KLHL1: variants seen among roughly 807,000 people sequenced by gnomAD.
The protein encoded by KLHL1 is kelch like family member 1.
A neutral mutation model predicts 77.7 loss-of-function variants in KLHL1; 47 were observed. The ratio of observed to expected loss-of-function variants is 0.60; its 90% confidence interval spans 0.48 to 0.77. The LOEUF is 0.77. Among genes scored for constraint, KLHL1 ranks in the 30% least tolerant of loss-of-function variants. The pLI is 0.00. For synonymous variants in KLHL1, 360 were observed against 325.2 expected, an observed-to-expected ratio of 1.11 and a Z score of -1.15; for missense variants, 925 against 910.8, an observed-to-expected ratio of 1.02 and a Z score of -0.20.
At chr13:69,939,840 G>T (rs933292824) in intron 4 of KLHL1, among the ~76,000 whole-genome samples, 200 bp downstream of exon 4, 1 of 151,900 alleles carries the variant, frequency 6.6e-6, no homozygotes, top group African/African-American at 2.4e-5. Context: ...ATCCACAAAA[G>T]AACAATAAAT....
At chr13:70,040,995 T>A (rs977378500) in intron 1 of KLHL1, among the ~76,000 whole-genome samples, 1 of 152,190 alleles carries the variant, frequency 6.6e-6, no homozygotes, top group African/African-American at 2.4e-5. Flanking sequence ...GTTCAGAAAT[T>A]CTTCGTTTGA....
chr13:70,022,557 A>T (rs1885832183), intron 1 of KLHL1, among the ~76,000 whole-genome samples: 1 of 149,232 alleles, frequency 6.7e-6, no homozygotes, highest in Non-Finnish European at 1.5e-5. Context: ...AAAAAATATA[A>T]AGAATGATAA....
In KLHL1 at chr13:69,740,536, G is replaced by T. The variant is rs1226821776; in HGVS notation, c.1660C>A (p.Pro554Thr). The T allele has an allele frequency of 6.2e-7, 1 of 1,610,524 alleles. No individual in the cohort carries two copies. Among genetic ancestry groups the T allele is most frequent in the Non-Finnish European group, 8.5e-7 (1 of 1,177,680 alleles). ...HGLGVTVLEG[P>T]IYAVGGHDGW... ...TCATGGCCTCCCACAGCATAAATAGGGCCTTCAAGTACTGTTACACCTAAA... is the reference window on the plus strand; with the variant it reads ...TCATGGCCTCCCACAGCATAAATAGTGCCTTCAAGTACTGTTACACCTAAA... Residue 554 changes from proline to threonine, a missense_variant, in exon 8 of 11, where the codon CCT (proline) becomes ACT (threonine). By Grantham distance (38) the Pro-to-Thr change is conservative. Coordinates refer to ENST00000377844, the MANE Select transcript of KLHL1 (RefSeq NM_020866.3).
At chr13:70,034,666 A>G (rs1047908822) in intron 1 of KLHL1, among the ~76,000 whole-genome samples, 3 of 152,230 alleles carry the variant, frequency 2.0e-5, no homozygotes, top group African/African-American at 7.2e-5. Context: ...GTGTTTGTGT[A>G]GAGGGGAAGA....
rs1485206645 is a variant in KLHL1 at position 69,701,731 on chromosome 13, C to T, written c.2218G>A (p.Ala740Thr). The change falls in exon 11 of 11, where the codon GCC becomes ACC. Residue 740 changes from alanine to threonine, a missense_variant. Ala to Thr is a moderately conservative substitution (Grantham distance 58). Transcript: ENST00000377844. The part of the protein sequence containing the change: ...MASLNIGRAG[A>T]CVVVIKQP ...GGTTGCTTGATGACTACCACACAGG[C>T]ACCTGCTCTCCCAATATTCAAGGAA... 5.0e-6 allele frequency: 8 copies of T among 1,607,948 alleles called. No individual in the cohort carries two copies. The highest frequency in any genetic ancestry group is 6.8e-6 in the Non-Finnish European group (8 of 1,176,626).
intron 6 of KLHL1, among the ~76,000 whole-genome samples, chr13:69,818,330 C>T (rs575861997): frequency 1.6e-3 from 234 of 149,934 alleles, no homozygotes; most frequent in Admixed American, 2.3e-3. Flanking sequence ...AAGCAATTCT[C>T]CTGCCTCAGC....
intron 1 of KLHL1, among the ~76,000 whole-genome samples, chr13:70,096,328 CCT>C (rs1887788500): frequency 6.6e-6 from 1 of 151,964 alleles, no homozygotes; most frequent in Non-Finnish European, 1.5e-5. Flanking sequence ...TGAGGGCTCC[CCT>C]TTCTCTGCAT....
chr13:69,729,735 C>T (rs190500465), intron 8 of KLHL1, among the ~76,000 whole-genome samples: 14 of 151,804 alleles, frequency 9.2e-5, no homozygotes, highest in Non-Finnish European at 1.9e-4. Flanking sequence ...GAAAAAGATG[C>T]CAAGTAAAAG....
intron 5 of KLHL1, among the ~76,000 whole-genome samples, chr13:69,868,980 C>T (rs1031316518): frequency 2.0e-5 from 3 of 152,104 alleles, no homozygotes; most frequent in African/African-American, 7.2e-5. Flanking sequence ...TAGTAATTCA[C>T]TCACTTTTTA....
chr13:69,804,132 A>G (rs900600813), intron 6 of KLHL1, among the ~76,000 whole-genome samples: 1 of 152,214 alleles, frequency 6.6e-6, no homozygotes, highest in African/African-American at 2.4e-5. Context: ...CAATAATTTA[A>G]CCAGAAGATA....
intron 1 of KLHL1, among the ~76,000 whole-genome samples, chr13:70,075,451 C>A (rs562330216): frequency 2.1e-4 from 31 of 148,926 alleles, no homozygotes; most frequent in African/African-American, 7.6e-4. Context: ...TTAAAAAAAA[C>A]CTTTTTGTTA....
At chr13:69,963,475 A>G (rs1160400032) in intron 2 of KLHL1, among the ~76,000 whole-genome samples, 1 of 152,160 alleles carries the variant, frequency 6.6e-6, no homozygotes, top group Non-Finnish European at 1.5e-5. Flanking sequence ...CAAATAGTAA[A>G]TATTTTACAT....
chr13:69,911,556 G>C, intron 4 of KLHL1, among the ~76,000 whole-genome samples: 1 of 105,188 alleles, frequency 9.5e-6, no homozygotes, highest in East Asian at 2.8e-4. Context: ...CTAGGTATAG[G>C]AATATCATCA....
intron 1 of KLHL1, among the ~76,000 whole-genome samples, chr13:69,983,094 A>G (rs1884759929): frequency 6.6e-6 from 1 of 152,178 alleles, no homozygotes; most frequent in African/African-American, 2.4e-5. Flanking sequence ...TCAATAAAGC[A>G]ATCCCATTTA....
rs543139947 is a variant in KLHL1 at position 70,077,720 on chromosome 13, T to G, written c.497+29483A>C. 3.9e-5 allele frequency among the ~76,000 whole-genome samples: 6 copies of G among 152,132 alleles called. No homozygotes were observed. In the East Asian group the frequency reaches 1.2e-3, roughly 29 times the overall value. On this transcript the variant is annotated intron_variant, in intron 1 of 10. Transcript: ENST00000377844. ...TATGGGAACCCTCTGTAGTTTCTTC[T>G]TAAATTTTCTGTAAAAATCTAACTG... is the stretch of plus-strand genomic sequence containing the variant.
chr13:69,714,470 G>A (rs549279816), intron 9 of KLHL1, among the ~76,000 whole-genome samples: 4 of 152,108 alleles, frequency 2.6e-5, no homozygotes, highest in South Asian at 2.1e-4. Context: ...AATTGGATAC[G>A]CTTAACAGTT....
chr13:69,913,411 A>G (rs1882308362), intron 4 of KLHL1, among the ~76,000 whole-genome samples: 1 of 152,170 alleles, frequency 6.6e-6, no homozygotes, highest in Non-Finnish European at 1.5e-5. Context: ...GGGGAGAGGC[A>G]TGGGGCAGGG....
At chr13:69,760,805 C>T (rs1404442278) in intron 7 of KLHL1, among the ~76,000 whole-genome samples, 1 of 152,134 alleles carries the variant, frequency 6.6e-6, no homozygotes, top group African/African-American at 2.4e-5. Flanking sequence ...AGGGGGGAGT[C>T]CTCAATTTTA....
At chr13:69,879,604 G>C (rs1880907433) in intron 5 of KLHL1, among the ~76,000 whole-genome samples, 1 of 152,146 alleles carries the variant, frequency 6.6e-6, no homozygotes, top group Non-Finnish European at 1.5e-5. Flanking sequence ...CATTTTAATA[G>C]CTTTTCATAA....
Sources: allele counts gnomAD v4.1 joint callset (sites outside exome capture counted in the v4.1 genomes callset), GRCh38; gene constraint gnomAD v4.1.1; transcripts MANE v1.5; gene names NCBI Gene and HGNC (gene_info 2026-07-23, HGNC 2026-07-21).